Variants in CDH1 observed in about 807,000 individuals in gnomAD.
CDH1 encodes cadherin 1.
CDH1 carries 35 observed loss-of-function variants against 84.5 expected under a neutral mutation model. The ratio of observed to expected loss-of-function variants is 0.41; its 90% confidence interval spans 0.32 to 0.55. The LOEUF (loss-of-function observed/expected upper bound fraction) is 0.55, where lower values mean the gene tolerates loss of function less well. Among genes scored for constraint, CDH1 ranks in the 20% least tolerant of loss-of-function variants. CDH1 has a pLI of 0.19. For missense variants in CDH1, 994 were observed against 1,126.6 expected (o/e 0.88, Z 1.68); for synonymous variants, 417 against 439.0 (o/e 0.95, Z 0.63).
At chr16:68,804,102 CTTTTTTTTTTT>C (rs10563852) in intron 3 of CDH1, among the ~76,000 whole-genome samples, 5 of 75,068 alleles carry the variant, frequency 6.7e-5, no homozygotes, top group East Asian at 4.1e-4. Flanking sequence ...ATCTGTCTGC[CTTTTTTTTTTT>C]TTTTTTTTTT....
intron 1 of CDH1, 102 bp downstream of exon 1, chr16:68,737,565 C>A: frequency 9.3e-7 from 1 of 1,071,540 alleles, no homozygotes; most frequent in Non-Finnish European, 1.4e-6. Flanking sequence ...TTCCCTTCTT[C>A]CAAGAAAGTT....
chr16:68,829,895 T>C, intron 15 of CDH1, 98 bp downstream of exon 15: 2 of 1,286,248 alleles, frequency 1.6e-6, no homozygotes, highest in South Asian at 1.2e-5. Flanking sequence ...TTCTTTCCTT[T>C]ACTATGTTTT....
intron 5 of CDH1, 99 bp from the exon 6 acceptor site, chr16:68,810,098 G>C (rs1209305341): frequency 3.2e-6 from 4 of 1,244,248 alleles, no homozygotes; most frequent in Non-Finnish European, 4.7e-6. Flanking sequence ...GCCTAGGAAG[G>C]TGTGGCAGCC....
chr16:68,822,318 C>G (rs1961177818), intron 12 of CDH1, 93 bp downstream of exon 12: 1 of 835,432 alleles, frequency 1.2e-6, no homozygotes, highest in South Asian at 1.4e-5. Context: ...TTCTCAACTT[C>G]TAGATGTCAC....
Position 68,819,420 on chromosome 16 carries a change from A to G in CDH1, c.1706A>G (p.Asp569Gly). 1 of 1,613,418 alleles carries G rather than the reference A, an allele frequency of 6.2e-7. No homozygotes were observed. Among genetic ancestry groups the G allele is most frequent in the Non-Finnish European group, 8.5e-7 (1 of 1,180,018 alleles). Reference sequence around the variant, plus strand: ...TACACAGCCCTAATCATAGCTACAGACAATGGTAAGGGGGCCTCATCTGAG... The same window carrying G: ...TACACAGCCCTAATCATAGCTACAGGCAATGGTAAGGGGGCCTCATCTGAG... ...STYTALIIAT[D>G]NGSPVATGTG... Residue 569 changes from aspartate to glycine, a missense_variant, in exon 11 of 16, where the codon GAC becomes GGC. By Grantham distance (94) the Asp-to-Gly change is moderately conservative (BLOSUM62 -1). Coordinates refer to ENST00000261769, the MANE Select transcript of CDH1 (RefSeq NM_004360.5).
At chr16:68,771,363 T>C (rs1288677153) in intron 2 of CDH1, among the ~76,000 whole-genome samples, 1 of 152,144 alleles carries the variant, frequency 6.6e-6, no homozygotes, top group Non-Finnish European at 1.5e-5. Context: ...CACAGCTCGC[T>C]GTAGTCTCGA....
chr16:68,780,923 G>A (rs12597188), intron 2 of CDH1, among the ~76,000 whole-genome samples: 49,777 of 152,060 alleles, frequency 0.33, 8,206 homozygotes, highest in Middle Eastern at 0.36. Flanking sequence ...GCTTGTCATG[G>A]CCTGACCGAG....
At chr16:68,800,232 G>C (rs1429645242) in intron 2 of CDH1, among the ~76,000 whole-genome samples, 1 of 151,478 alleles carries the variant, frequency 6.6e-6, no homozygotes, top group Non-Finnish European at 1.5e-5. Context: ...TCTCCAGAGA[G>C]AGGAAGAGCC....
chr16:68,791,832 A>G (rs34602186), intron 2 of CDH1, among the ~76,000 whole-genome samples: 3 of 152,208 alleles, frequency 2.0e-5, no homozygotes, highest in African/African-American at 7.2e-5. Flanking sequence ...GATGCTTGAC[A>G]AAGAGAGTAA....
intron 2 of CDH1, among the ~76,000 whole-genome samples, chr16:68,749,403 A>G (rs1962831190): frequency 6.6e-6 from 1 of 152,190 alleles, no homozygotes; most frequent in Non-Finnish European, 1.5e-5. Context: ...TTAAAGAAGG[A>G]TTTGTATAGG....
intron 2 of CDH1, among the ~76,000 whole-genome samples, chr16:68,762,907 C>T (rs568840118): frequency 1.3e-4 from 9 of 68,880 alleles, no homozygotes; most frequent in South Asian, 6.8e-4. Context: ...AGCAAGATTC[C>T]GTCTCAAAAA....
Position 68,833,362 on chromosome 16 carries a change from A to C in CDH1, c.2512A>C (p.Ser838Arg), listed in dbSNP as rs121964872. 6.2e-7 allele frequency: 1 copy of C among 1,614,188 alleles called. No homozygotes were observed. Among genetic ancestry groups the C allele is most frequent in the Non-Finnish European group, 8.5e-7 (1 of 1,180,028 alleles). Residue 838 changes from serine to arginine, a missense_variant, in exon 16 of 16, where the codon AGC becomes CGC. By Grantham distance (110) the Ser-to-Arg change is moderately radical. Transcript: ENST00000261769. Reference sequence around the variant, plus strand: ...TCTGCTCGTGTTTGACTATGAAGGAAGCGGTTCCGAAGCTGCTAGTCTGAG... The same window carrying C: ...TCTGCTCGTGTTTGACTATGAAGGACGCGGTTCCGAAGCTGCTAGTCTGAG... ...DSLLVFDYEG[S>R]GSEAASLSSL...
At chr16:68,817,581 A>G (rs532236300) in intron 10 of CDH1, among the ~76,000 whole-genome samples, 3 of 152,310 alleles carry the variant, frequency 2.0e-5, no homozygotes, top group African/African-American at 4.8e-5. Flanking sequence ...AAAGTTATCA[A>G]TAGAAGCACA....
At chr16:68,804,266 A>G (rs1049784389) in intron 3 of CDH1, among the ~76,000 whole-genome samples, 5 of 151,610 alleles carry the variant, frequency 3.3e-5, no homozygotes, top group African/African-American at 1.2e-4. Flanking sequence ...GGCATCCGCC[A>G]CCACGCCTGG....
At chr16:68,759,633 G>A (rs12448199) in intron 2 of CDH1, among the ~76,000 whole-genome samples, 74,054 of 151,564 alleles carry the variant, frequency 0.49, 19,299 homozygotes, top group Non-Finnish European at 0.59. Context: ...GGGATTACAG[G>A]CGCGTACCAC....
intron 2 of CDH1, among the ~76,000 whole-genome samples, chr16:68,774,065 G>A (rs1016301337): frequency 6.6e-6 from 1 of 152,100 alleles, no homozygotes; most frequent in African/African-American, 2.4e-5. Flanking sequence ...ACAGGCACAC[G>A]CCACCACATC....
intron 2 of CDH1, among the ~76,000 whole-genome samples, chr16:68,783,194 C>T (rs769044605): frequency 4.6e-5 from 7 of 151,658 alleles, no homozygotes; most frequent in South Asian, 2.1e-4. Context: ...CTCAGGAGTT[C>T]GAGACCAGCC....
chr16:68,749,243 A>G (rs1962826522), intron 2 of CDH1, among the ~76,000 whole-genome samples: 1 of 152,236 alleles, frequency 6.6e-6, no homozygotes, highest in Non-Finnish European at 1.5e-5. Flanking sequence ...CACTGGAAAC[A>G]GAGGAGAAAG....
intron 2 of CDH1, among the ~76,000 whole-genome samples, chr16:68,754,415 A>G (rs1290310609): frequency 1.3e-5 from 2 of 152,292 alleles, no homozygotes; most frequent in Non-Finnish European, 2.9e-5. Context: ...CTGTCTCAAG[A>G]AAAAAGAAAA....
Sources: allele counts gnomAD v4.1 joint callset (sites outside exome capture counted in the v4.1 genomes callset), GRCh38; gene constraint gnomAD v4.1.1; transcripts MANE v1.5; gene names NCBI Gene and HGNC (gene_info 2026-07-23, HGNC 2026-07-21).